Variants in CDK13 observed in about 807,000 individuals in gnomAD.
CDK13 encodes the protein cyclin dependent kinase 13, also known as cyclin-dependent kinase 13.
CDK13 carries 40 observed loss-of-function variants against 137.6 expected under a neutral mutation model. The observed-to-expected ratio is 0.29, with a 90% CI of 0.23 to 0.38. The LOEUF is 0.38. Ranked by LOEUF, CDK13 falls within the 10% of genes least tolerant of loss-of-function variation. The pLI is 1.00. For synonymous variants in CDK13, 869 were observed against 760.1 expected (o/e 1.14, Z -2.36); for missense variants, 1,704 against 1,951.8 (o/e 0.87, Z 2.39).
chr7:40,053,757 CTT>C (rs202075128), intron 7 of CDK13, among the ~76,000 whole-genome samples: 19 of 141,708 alleles, frequency 1.3e-4, no homozygotes, highest in South Asian at 2.2e-4. Flanking sequence ...CACCATTTTT[CTT>C]TTTTTTTTTT....
intron 4 of CDK13, 128 bp downstream of exon 4, chr7:39,999,628 CTTGT>C (rs1423564896): frequency 2.5e-5 from 24 of 948,394 alleles, no homozygotes. Context: ...TTTGTTTCAT[CTTGT>C]TTTTTTATTC....
At chr7:40,003,153 TACACACACACACAC>T (rs71560157) in intron 5 of CDK13, among the ~76,000 whole-genome samples, 66 of 119,952 alleles carry the variant, frequency 5.5e-4, no homozygotes, top group Middle Eastern at 4.0e-3. Context: ...CTTCCCCAGC[TACACACACACACAC>T]ACACACACAC....
chr7:40,095,040 T>C lies in CDK13; in HGVS notation c.*60T>C. 7.7e-7 allele frequency: 1 copy of C among 1,304,084 alleles called. No homozygotes were observed. Among genetic ancestry groups the C allele is most frequent in the Non-Finnish European group, 9.9e-7 (1 of 1,005,118 alleles). The allele number at this position is 1,304,084 out of a possible 1,614,324, so 80.8% of individuals were successfully genotyped here. A position where few individuals can be genotyped will look rare whatever the true frequency, so the allele number is the denominator to read the frequency against. On this transcript the variant is annotated 3_prime_UTR_variant, in exon 14 of 14. Transcript: ENST00000181839. Reference sequence around the variant, plus strand: ...TGGAAAGACTTTTCTAGCTGCAATTTAAGGCAGCAATCCAAGAGACTTGAA... The same window carrying C: ...TGGAAAGACTTTTCTAGCTGCAATTCAAGGCAGCAATCCAAGAGACTTGAA...
chr7:39,977,818 T>C (rs934546424), intron 1 of CDK13, among the ~76,000 whole-genome samples: 8 of 152,046 alleles, frequency 5.3e-5, no homozygotes, highest in African/African-American at 1.4e-4. Context: ...TAGTACCTAA[T>C]GTGGAATAGT....
intron 5 of CDK13, among the ~76,000 whole-genome samples, chr7:40,039,577 A>G (rs913802945): frequency 2.0e-5 from 3 of 151,056 alleles, no homozygotes; most frequent in Non-Finnish European, 4.4e-5. Flanking sequence ...GATTATAGGC[A>G]TGAACCACCA....
At position 40,094,277 on chromosome 7, in the gene CDK13, C is replaced by T; in HGVS notation, c.3836C>T (p.Thr1279Ile). 1 of 1,612,400 alleles carries T rather than the reference C, an allele frequency of 6.2e-7. No individual in the cohort carries two copies. The highest frequency in any genetic ancestry group is 1.7e-4 in the Middle Eastern group (1 of 6,042). The change falls in exon 14 of 14, where the codon ACA (threonine) becomes ATA (isoleucine). Residue 1279 changes from threonine to isoleucine, a missense_variant. Transcript: ENST00000181839. ...ACTGAGGAAGATCTAGATTATCGGA[C>T]AGAAAACCAGCATGTACCCACCACC... ...PVTEEDLDYR[T>I]ENQHVPTTSS...
Position 40,094,257 on chromosome 7 carries a change from G to C in CDK13, c.3816G>C (p.Glu1272Asp), listed in dbSNP as rs762702916. Residue 1272 changes from glutamate (E) to aspartate (D), a missense_variant, in exon 14 of 14, where the codon GAG (glutamate) becomes GAC (aspartate). Physicochemically the swap from Glu to Asp is conservative, Grantham distance 45. Around this residue, in one of 5 missense-constraint regions of CDK13, gnomAD observed 475 missense variants for 579.3 expected, o/e 0.82. Transcript: ENST00000181839. Reference sequence around the variant, plus strand: ...CTCCTGAACCACCACCAGTCACTGAGGAAGATCTAGATTATCGGACAGAAA... The same window carrying C: ...CTCCTGAACCACCACCAGTCACTGACGAAGATCTAGATTATCGGACAGAAA... The part of the protein sequence containing the change: ...PEPPEPPPVT[E>D]EDLDYRTENQ... 2 of 1,612,736 alleles carry C rather than the reference G, an allele frequency of 1.2e-6. No homozygotes were observed. The highest frequency in any genetic ancestry group is 2.2e-5 in the South Asian group (2 of 90,824).
chr7:40,086,149 A>G (rs1786782899), intron 11 of CDK13, among the ~76,000 whole-genome samples: 2 of 152,232 alleles, frequency 1.3e-5, no homozygotes, highest in African/African-American at 4.8e-5. Context: ...TAATATTGCT[A>G]AGATTCAACC....
intron 1 of CDK13, among the ~76,000 whole-genome samples, chr7:39,969,403 A>C (rs1390954050): frequency 6.6e-6 from 1 of 152,208 alleles, no homozygotes; most frequent in Non-Finnish European, 1.5e-5. Context: ...CTTTGTGAGT[A>C]CTTATTACAT....
chr7:40,080,001 G>T (rs1786631438), intron 11 of CDK13, among the ~76,000 whole-genome samples: 1 of 151,792 alleles, frequency 6.6e-6, no homozygotes, highest in Non-Finnish European at 1.5e-5. Flanking sequence ...TTATTTTTTT[G>T]TCTTGAGACA....
intron 1 of CDK13, among the ~76,000 whole-genome samples, chr7:39,955,611 G>A (rs1163229294): frequency 6.6e-6 from 1 of 151,774 alleles, no homozygotes; most frequent in South Asian, 2.1e-4. Flanking sequence ...TCTGTTCCTT[G>A]GCCATTTTAT....
chr7:39,997,039 T>A (rs1695146835), intron 2 of CDK13, among the ~76,000 whole-genome samples: 1 of 151,842 alleles, frequency 6.6e-6, no homozygotes, highest in South Asian at 2.1e-4. Flanking sequence ...TTTAGTTGAT[T>A]TTCAATTTTA....
intron 5 of CDK13, among the ~76,000 whole-genome samples, chr7:40,031,637 G>A (rs1785381500): frequency 6.6e-6 from 1 of 151,838 alleles, no homozygotes; most frequent in Non-Finnish European, 1.5e-5. Flanking sequence ...TAATTGGGCT[G>A]TTTGTTTTCT....
chr7:39,986,390 G>A (rs1784338439), intron 1 of CDK13: 1 of 152,088 alleles, frequency 6.6e-6, no homozygotes, highest in African/African-American at 2.4e-5. Context: ...AATAATTTTT[G>A]AGAAGTGAAT....
At chr7:40,042,708 G>A (rs561222749) in intron 5 of CDK13, among the ~76,000 whole-genome samples, 7 of 149,316 alleles carry the variant, frequency 4.7e-5, no homozygotes, top group African/African-American at 7.3e-5. Flanking sequence ...CAAAACTTAC[G>A]GCCTCAAGCG....
Position 40,092,520 on chromosome 7 carries a change from T to C in CDK13, c.3236-265T>C, listed in dbSNP as rs17538279. The C allele has an allele frequency of 7.2e-4, 285 of 398,402 alleles. 1 individual carries two copies. Among genetic ancestry groups the C allele is most frequent in the African/African-American group, 5.1e-3 (254 of 49,602 alleles). 24.7% of individuals were successfully genotyped at this position (398,402 alleles called of 1,614,324 possible). ...CTGTTTCCTGGTTAAATCCATAACA[T>C]GAGGTTTTAGTAGTGGTCTTGATTT... On this transcript the variant is annotated intron_variant, in intron 12 of 13. Transcript: ENST00000181839.
chr7:40,004,293 C>T (rs1234064715), intron 5 of CDK13, among the ~76,000 whole-genome samples: 1 of 152,098 alleles, frequency 6.6e-6, no homozygotes, highest in East Asian at 1.9e-4. Context: ...TCCTCAGTGC[C>T]TAGCGCTGCA....
chr7:40,002,059 T>G (rs766621965), intron 5 of CDK13, 28 bp downstream of exon 5: 9 of 1,524,050 alleles, frequency 5.9e-6, no homozygotes, highest in Non-Finnish European at 8.0e-6. Flanking sequence ...AATAACGAAT[T>G]TTTTGTATTC....
At chr7:40,023,154 G>A (rs982158308) in intron 5 of CDK13, among the ~76,000 whole-genome samples, 6 of 149,644 alleles carry the variant, frequency 4.0e-5, no homozygotes, top group Admixed American at 3.3e-4. Flanking sequence ...GTGCAGTGAC[G>A]CTATCTCGGC....
Sources: gnomAD v4.1 joint callset for allele counts (sites outside exome capture counted in the v4.1 genomes callset) on GRCh38, gnomAD v4.1.1 for gene constraint, gnomAD v4.1.1 regional missense constraint, MANE v1.5 for transcripts, NCBI Gene and HGNC (gene_info 2026-07-23, HGNC 2026-07-21) for gene names.